KIAA0319: variants seen among roughly 807,000 people sequenced by gnomAD.
KIAA0319 encodes the protein KIAA0319, also known as dyslexia-associated protein KIAA0319.
KIAA0319 carries 83 observed loss-of-function variants against 108.4 expected under a neutral mutation model. The observed-to-expected ratio is 0.77, with a 90% CI of 0.64 to 0.92. The LOEUF (loss-of-function observed/expected upper bound fraction) is 0.92. Ranked by LOEUF, KIAA0319 falls within the 40% of genes least tolerant of loss-of-function variation. KIAA0319 has a pLI of 0.00. For synonymous variants in KIAA0319, 484 were observed against 510.4 expected, an observed-to-expected ratio of 0.95 and a Z score of 0.70; for missense variants, 1,195 against 1,322.4, an observed-to-expected ratio of 0.90 and a Z score of 1.49.
chr6:24,631,583 A>G (rs1031115327), intron 1 of KIAA0319, among the ~76,000 whole-genome samples: 8 of 152,224 alleles, frequency 5.3e-5, no homozygotes, highest in African/African-American at 1.9e-4. Flanking sequence ...TCCTGGAAAC[A>G]CTGTCCCTAC....
chr6:24,573,672 A>G (rs1765053574), intron 10 of KIAA0319, among the ~76,000 whole-genome samples: 1 of 152,236 alleles, frequency 6.6e-6, no homozygotes, highest in Non-Finnish European at 1.5e-5. Flanking sequence ...GTACACATTA[A>G]ACTGATAAAA....
intron 1 of KIAA0319, among the ~76,000 whole-genome samples, chr6:24,616,905 G>C (rs1470442128): frequency 6.6e-6 from 1 of 151,942 alleles, no homozygotes; most frequent in African/African-American, 2.4e-5. Flanking sequence ...ACTATAAAAT[G>C]TTTTTCAGTA....
chr6:24,641,209 T>A (rs534877151), intron 1 of KIAA0319, among the ~76,000 whole-genome samples: 1 of 152,258 alleles, frequency 6.6e-6, no homozygotes, highest in Non-Finnish European at 1.5e-5. Flanking sequence ...TCAAGGTTCA[T>A]CCATGTTGCA....
At chr6:24,638,786 G>A (rs958926741) in intron 1 of KIAA0319, among the ~76,000 whole-genome samples, 4 of 151,908 alleles carry the variant, frequency 2.6e-5, no homozygotes, top group Admixed American at 2.6e-4. Flanking sequence ...ATTAGAAAGA[G>A]GCAAGATGTG....
chr6:24,598,467 C>T (rs1770089668), intron 2 of KIAA0319: 4 of 516,632 alleles, frequency 7.7e-6, no homozygotes. Context: ...GCTACATCAA[C>T]CTATGGCAGC....
At chr6:24,598,045 G>T in intron 2 of KIAA0319, 1 of 340,106 alleles carries the variant, frequency 2.9e-6, no homozygotes, top group Admixed American at 3.7e-5. Flanking sequence ...GTCCTACAAG[G>T]TGTCTACCTC....
chr6:24,621,663 A>G (rs1773951381), intron 1 of KIAA0319, among the ~76,000 whole-genome samples: 1 of 152,236 alleles, frequency 6.6e-6, no homozygotes, highest in Non-Finnish European at 1.5e-5. Context: ...AAGAACAGAC[A>G]AAAGAAAATA....
chr6:24,606,696 A>G (rs578085309), intron 1 of KIAA0319, among the ~76,000 whole-genome samples: 17 of 152,332 alleles, frequency 1.1e-4, no homozygotes, highest in Non-Finnish European at 2.2e-4. Context: ...CAGAATACCC[A>G]GCTAACAGAC....
At chr6:24,571,795 G>C (rs1428160674) in intron 11 of KIAA0319, among the ~76,000 whole-genome samples, 1 of 152,072 alleles carries the variant, frequency 6.6e-6, no homozygotes, top group Non-Finnish European at 1.5e-5. Context: ...TGTGACTTGT[G>C]CTTCAACCTT....
chr6:24,624,689 G>T lies in KIAA0319; in HGVS notation c.-106+21047C>A, dbSNP rs185425206. Among the ~76,000 whole-genome samples the T allele has an allele frequency of 1.2e-4, 18 of 152,230 alleles. No individual in the cohort carries two copies. In the East Asian group the frequency reaches 3.1e-3, roughly 26 times the overall value. On this transcript the variant is annotated intron_variant, in intron 1 of 20. Transcript: ENST00000378214. ...CCTCATCTCCTCTAGGGAAGGGGAT[G>T]GAAAGGTGAAAATTACATTTCTCAA...
chr6:24,582,261 A>C lies in KIAA0319; in HGVS notation c.1179T>G (p.Leu393=). The part of the protein sequence containing the change: ...GEIKQGHKQT[L]NLSQLSVGLY... ...TCCAGTTACTTACTTGAGAGAGGTTAAGAGTTTGCTTGTGTCCTTGTTTTA... is the reference window on the plus strand; with the variant it reads ...TCCAGTTACTTACTTGAGAGAGGTTCAGAGTTTGCTTGTGTCCTTGTTTTA... The change falls in exon 6 of 21, where the codon CTT becomes CTG. Residue 393 remains leucine (L), a synonymous_variant. Transcript: ENST00000378214. 1 of 1,590,250 alleles carries C rather than the reference A, an allele frequency of 6.3e-7. No individual in the cohort carries two copies. The highest frequency in any genetic ancestry group is 1.7e-5 in the Admixed American group (1 of 59,958).
chr6:24,644,417 T>C (rs959949470), intron 1 of KIAA0319, among the ~76,000 whole-genome samples: 2 of 152,216 alleles, frequency 1.3e-5, no homozygotes, highest in African/African-American at 4.8e-5. Context: ...TTTAGAAGTT[T>C]GGTGATTTTT....
chr6:24,609,644 T>C (rs1772017289), intron 1 of KIAA0319, among the ~76,000 whole-genome samples: 1 of 151,414 alleles, frequency 6.6e-6, no homozygotes, highest in African/African-American at 2.4e-5. Context: ...TAAATTGTAT[T>C]GGAGAAACAG....
At chr6:24,558,142 C>G (rs934105942) in intron 17 of KIAA0319, among the ~76,000 whole-genome samples, 2 of 151,550 alleles carry the variant, frequency 1.3e-5, no homozygotes, top group African/African-American at 2.4e-5. Context: ...ATTGGCTGGG[C>G]GTGGTGGCTC....
intron 1 of KIAA0319, among the ~76,000 whole-genome samples, chr6:24,635,450 T>C (rs571619176): frequency 1.3e-5 from 2 of 152,322 alleles, no homozygotes; most frequent in African/African-American, 4.8e-5. Flanking sequence ...TTAATTTTTT[T>C]TTTATTTCAG....
chr6:24,629,508 C>G (rs1775210187), intron 1 of KIAA0319, among the ~76,000 whole-genome samples: 1 of 15,448 alleles, frequency 6.5e-5, no homozygotes, highest in African/African-American at 5.9e-4. Flanking sequence ...GAGTGAGACT[C>G]TGTCTCAAAA....
chr6:24,617,613 A>G (rs1200617996), intron 1 of KIAA0319, among the ~76,000 whole-genome samples: 1 of 152,202 alleles, frequency 6.6e-6, no homozygotes, highest in Admixed American at 6.6e-5. Flanking sequence ...GGATGCACAG[A>G]GGACAGAAGT....
intron 14 of KIAA0319, 136 bp from the exon 15 acceptor site, chr6:24,564,476 G>A: frequency 1.8e-6 from 2 of 1,098,668 alleles, no homozygotes; most frequent in Non-Finnish European, 2.6e-6. Context: ...AGGGAATGAG[G>A]CTGGCGGGAT....
At chr6:24,623,420 T>C (rs924027033) in intron 1 of KIAA0319, among the ~76,000 whole-genome samples, 3 of 152,104 alleles carry the variant, frequency 2.0e-5, no homozygotes, top group Non-Finnish European at 4.4e-5. Context: ...AAAACCAGTC[T>C]TCAAATTAAA....
Sources: gnomAD v4.1 joint callset for allele counts (sites outside exome capture counted in the v4.1 genomes callset) on GRCh38, gnomAD v4.1.1 for gene constraint, MANE v1.5 for transcripts, NCBI Gene and HGNC (gene_info 2026-07-23, HGNC 2026-07-21) for gene names.